The following PAK1 variants were observed in gnomAD, a reference collection of about 807,000 sequenced individuals.
PAK1 encodes the protein serine/threonine-protein kinase PAK 1.
Under a neutral mutation model 67.4 loss-of-function variants are expected in PAK1, and 29 were observed. That is an observed-to-expected ratio of 0.43 (90% CI 0.32 to 0.59). The LOEUF (loss-of-function observed/expected upper bound fraction) is 0.59. PAK1 is among the 20% of genes least tolerant of loss of function. The pLI is 0.07. For missense variants in PAK1, 337 were observed against 670.7 expected, an observed-to-expected ratio of 0.50 and a Z score of 5.50; for synonymous variants, 223 against 237.4, an observed-to-expected ratio of 0.94 and a Z score of 0.56.
In PAK1 at chr11:77,353,709, A is replaced by G. The variant is rs1256275175; in HGVS notation, c.773-110T>C. ...GGCAAGGGTTAAAGAACTACCTCCAATAGCCAAAAAGCATGCTAAACAGGC... is the reference window on the plus strand; with the variant it reads ...GGCAAGGGTTAAAGAACTACCTCCAGTAGCCAAAAAGCATGCTAAACAGGC... On this transcript the variant is annotated intron_variant, in intron 7 of 14. Transcript: ENST00000356341. The G allele has an allele frequency of 6.2e-6, 5 of 803,636 alleles. No individual in the cohort carries two copies. In the African/African-American group the frequency reaches 8.7e-5, roughly 14 times the overall value. 49.8% of individuals were successfully genotyped at this position (803,636 alleles called of 1,614,324 possible).
intron 14 of PAK1, among the ~76,000 whole-genome samples, chr11:77,326,817 C>G (rs1940029071): frequency 1.3e-5 from 2 of 152,130 alleles, no homozygotes; most frequent in South Asian, 4.1e-4. Context: ...AAGAAGGCCT[C>G]AGATGATCAG....
chr11:77,494,458 G>A, the PAK1 span, among the ~76,000 whole-genome samples: 1 of 152,012 alleles, frequency 6.6e-6, no homozygotes, highest in Non-Finnish European at 1.5e-5. Flanking sequence ...GAACTCCTGG[G>A]CTCAAGCAAT....
chr11:77,454,638 C>T (rs184401829), intron 1 of PAK1, among the ~76,000 whole-genome samples: 4 of 152,284 alleles, frequency 2.6e-5, no homozygotes, highest in Admixed American at 6.5e-5. Context: ...CTGGGCCCCA[C>T]ACCCAGAGTT....
intron 7 of PAK1, 49 bp from the exon 8 acceptor site, chr11:77,353,648 CA>C (rs773830228): frequency 5.5e-6 from 8 of 1,455,886 alleles, no homozygotes; most frequent in Non-Finnish European, 6.7e-6. Flanking sequence ...AATCAAGATA[CA>C]AAAAAGGTTC....
the PAK1 span, among the ~76,000 whole-genome samples, chr11:77,486,100 T>C: frequency 6.6e-6 from 1 of 152,248 alleles, no homozygotes; most frequent in Non-Finnish European, 1.5e-5. Flanking sequence ...TTTTCTGCAC[T>C]TGAAGCTTGA....
chr11:77,515,205 A>G, the PAK1 span, among the ~76,000 whole-genome samples: 1 of 152,200 alleles, frequency 6.6e-6, no homozygotes, highest in Non-Finnish European at 1.5e-5. Flanking sequence ...TGCCTGGCAA[A>G]AACTGGTTAG....
At chr11:77,371,654 G>C (rs1948445907) in intron 5 of PAK1, among the ~76,000 whole-genome samples, 1 of 152,118 alleles carries the variant, frequency 6.6e-6, no homozygotes, top group Admixed American at 6.6e-5. Flanking sequence ...AAACCAACAT[G>C]GAAAATAATG....
chr11:77,395,976 C>T (rs979597756), intron 1 of PAK1, among the ~76,000 whole-genome samples: 1 of 152,198 alleles, frequency 6.6e-6, no homozygotes, highest in Non-Finnish European at 1.5e-5. Context: ...TCCAAAATTA[C>T]ACTCCCTGCA....
the PAK1 span, among the ~76,000 whole-genome samples, chr11:77,527,847 CT>C: frequency 3.9e-4 from 59 of 150,306 alleles, no homozygotes; most frequent in East Asian, 8.4e-3. Context: ...CCCACAAATA[CT>C]TTTTTTTTTC....
intron 1 of PAK1, among the ~76,000 whole-genome samples, chr11:77,465,853 G>A (rs1957572289): frequency 6.6e-6 from 1 of 152,168 alleles, no homozygotes; most frequent in Non-Finnish European, 1.5e-5. Context: ...GGAGACTAAA[G>A]TGAGACGATT....
intron 1 of PAK1, among the ~76,000 whole-genome samples, chr11:77,413,873 G>A (rs1047750244): frequency 6.6e-6 from 1 of 152,108 alleles, no homozygotes; most frequent in Non-Finnish European, 1.5e-5. Context: ...GGGTGAATGA[G>A]AGCCAGAAGC....
At chr11:77,385,851 G>A (rs1221588013) in intron 2 of PAK1, among the ~76,000 whole-genome samples, 2 of 151,490 alleles carry the variant, frequency 1.3e-5, no homozygotes, top group Non-Finnish European at 1.5e-5. Context: ...GAGCGTGACT[G>A]TCTCAAAAAA....
chr11:77,406,783 A>AG (rs760509748), intron 1 of PAK1, among the ~76,000 whole-genome samples: 2 of 142,002 alleles, frequency 1.4e-5, no homozygotes, highest in African/African-American at 2.4e-5. Context: ...ACGATTTCAA[A>AG]GGAAAAAAAA....
At chr11:77,484,773 A>G in the PAK1 span, among the ~76,000 whole-genome samples, 1 of 152,240 alleles carries the variant, frequency 6.6e-6, no homozygotes, top group South Asian at 2.1e-4. Flanking sequence ...TCATGGAGCT[A>G]GAAAATAGAA....
rs572254653 is a variant in PAK1, at chr11:77,330,554, A to T, written c.1551+2176T>A. ...TGGGGAAAGGATTCCCTATTTAATA[A>T]ATGGTGCTGGGAAAACTGGCTAGCC... On this transcript the variant is annotated intron_variant, in intron 14 of 14. Coordinates refer to ENST00000356341, the MANE Select transcript of PAK1 (RefSeq NM_002576.5). Among the ~76,000 whole-genome samples the T allele has an allele frequency of 5.4e-4, 82 of 152,336 alleles. No individual in the cohort carries two copies. In the East Asian group the frequency reaches 0.015, roughly 28 times the overall value.
intron 1 of PAK1, among the ~76,000 whole-genome samples, chr11:77,458,427 T>C (rs1234247783): frequency 6.6e-6 from 1 of 152,206 alleles, no homozygotes; most frequent in African/African-American, 2.4e-5. Flanking sequence ...TGTCCTGTTA[T>C]GTCATTACCC....
chr11:77,328,682 G>A (rs1940656353), intron 14 of PAK1, among the ~76,000 whole-genome samples: 1 of 151,982 alleles, frequency 6.6e-6, no homozygotes, highest in African/African-American at 2.4e-5. Flanking sequence ...GAGAAAGCAG[G>A]AAAGATCTAA....
At chr11:77,428,943 T>A (rs369804356) in intron 1 of PAK1, among the ~76,000 whole-genome samples, 1 of 150,700 alleles carries the variant, frequency 6.6e-6, no homozygotes, top group Admixed American at 6.6e-5. Flanking sequence ...GATGGGGGTG[T>A]CAGAACCTCA....
chr11:77,527,714 G>A, the PAK1 span, among the ~76,000 whole-genome samples: 1 of 152,092 alleles, frequency 6.6e-6, no homozygotes, highest in Admixed American at 6.5e-5. Flanking sequence ...CTGAATGTTA[G>A]GTTTATTTTT....
Sources: gnomAD v4.1 joint callset for allele counts (sites outside exome capture counted in the v4.1 genomes callset) on GRCh38, gnomAD v4.1.1 for gene constraint, MANE v1.5 for transcripts, NCBI Gene and HGNC (gene_info 2026-07-23, HGNC 2026-07-21) for gene names.